The following FYB2 variants were observed in gnomAD, a reference collection of about 807,000 sequenced individuals.
FYB2 encodes the protein FYN binding protein 2.
FYB2 carries 103 observed loss-of-function variants against 94.1 expected under a neutral mutation model. That is an observed-to-expected ratio of 1.09 (90% CI 0.93 to 1.29). The LOEUF is 1.29. FYB2 is among the 50% of genes most tolerant of loss of function. The pLI is 0.00. For synonymous variants in FYB2, 293 were observed against 287.9 expected, an observed-to-expected ratio of 1.02 and a Z score of -0.18; for missense variants, 896 against 841.5, an observed-to-expected ratio of 1.06 and a Z score of -0.80.
intron 5 of FYB2, among the ~76,000 whole-genome samples, chr1:56,763,883 A>G (rs1016497139): frequency 3.3e-5 from 5 of 150,456 alleles, no homozygotes. Context: ...AAGTTTGATT[A>G]TGACTCTTCG....
chr1:56,755,251 G>A lies in FYB2; in HGVS notation c.1130+645C>T, dbSNP rs1645298384. On this transcript the variant is annotated intron_variant, in intron 7 of 19. Transcript: ENST00000343433. Reference sequence around the variant, plus strand: ...CATACAAGGAGCTCCCAGACAGGAAGGGGAGTAGGGAGGGGAGGATGAATT... The same window carrying A: ...CATACAAGGAGCTCCCAGACAGGAAAGGGAGTAGGGAGGGGAGGATGAATT... Among the ~76,000 whole-genome samples the A allele has an allele frequency of 3.3e-5, 5 of 152,068 alleles. No individual in the cohort carries two copies. In the South Asian group the frequency reaches 8.3e-4, roughly 25 times the overall value.
chr1:56,785,137 G>C (rs1371386895), intron 4 of FYB2, among the ~76,000 whole-genome samples: 1 of 152,158 alleles, frequency 6.6e-6, no homozygotes, highest in Admixed American at 6.5e-5. Flanking sequence ...GTGCCATGTG[G>C]AGACTGACTA....
At chr1:56,733,514 A>C (rs559711568) in intron 15 of FYB2, among the ~76,000 whole-genome samples, 40 of 151,986 alleles carry the variant, frequency 2.6e-4, no homozygotes, top group African/African-American at 9.4e-4. Context: ...AGTTCTTTTA[A>C]TTGTGAAGTT....
At chr1:56,738,072 A>C (rs1214391411) in intron 14 of FYB2, among the ~76,000 whole-genome samples, 1 of 152,142 alleles carries the variant, frequency 6.6e-6, no homozygotes, top group African/African-American at 2.4e-5. Flanking sequence ...TTTATTGACA[A>C]ATTCAATGTA....
chr1:56,759,739 A>G (rs1207858702), intron 5 of FYB2, among the ~76,000 whole-genome samples: 1 of 152,122 alleles, frequency 6.6e-6, no homozygotes, highest in Non-Finnish European at 1.5e-5. Context: ...ATAAAAATTG[A>G]CCAATTGGTA....
chr1:56,772,317 A>G (rs943307494), intron 4 of FYB2, among the ~76,000 whole-genome samples: 7 of 152,134 alleles, frequency 4.6e-5, no homozygotes, highest in Non-Finnish European at 5.9e-5. Flanking sequence ...AAAGTTTCCA[A>G]AAAGGCATCT....
At chr1:56,740,337 G>C (rs1044194816) in intron 13 of FYB2, among the ~76,000 whole-genome samples, 4 of 152,092 alleles carry the variant, frequency 2.6e-5, no homozygotes, top group African/African-American at 9.7e-5. Flanking sequence ...ACTGGGGCTT[G>C]TAGGGCCCCA....
rs1644434979 is a variant in FYB2 at position 56,718,822 on chromosome 1, TTC to T, written c.*847_*848del. 6.6e-6 allele frequency: 1 copy of T among 152,622 alleles called. No individual in the cohort carries two copies. The highest frequency in any genetic ancestry group is 2.4e-5 in the African/African-American group (1 of 41,460). The allele number at this position is 152,622 out of a possible 1,614,324, so 9.5% of individuals were successfully genotyped here. A position where few individuals can be genotyped will look rare whatever the true frequency, so the allele number is the denominator to read the frequency against. On this transcript the variant is annotated 3_prime_UTR_variant, in exon 20 of 20. Coordinates refer to ENST00000343433, the MANE Select transcript of FYB2 (RefSeq NM_001004303.5). The stretch of plus-strand genomic sequence containing the variant: ...TGTTAAATGCATATGTAGAATTTAT[TTC>T]TCTTATTGACATGCAGTGCACCTCA...
Position 56,753,915 on chromosome 1 carries a change from T to A in FYB2, c.1151A>T (p.Lys384Ile), listed in dbSNP as rs764947483. The A allele has an allele frequency of 1.2e-6, 2 of 1,608,550 alleles. No homozygotes were observed. The highest frequency in any genetic ancestry group is 1.7e-6 in the Non-Finnish European group (2 of 1,176,224). ...PEPSAKHEDK[K>I]MKEKQPCELK... Reference sequence around the variant, plus strand: ...TTCACATGGTTGTTTTTCCTTCATTTTTTTATCTTCATGTTTAGCACTGAA... The same window carrying A: ...TTCACATGGTTGTTTTTCCTTCATTATTTTATCTTCATGTTTAGCACTGAA... Residue 384 changes from lysine to isoleucine, a missense_variant, in exon 8 of 20, where the codon AAA (lysine) becomes ATA (isoleucine). Transcript: ENST00000343433.
At chr1:56,790,220 A>G (rs1009748133) in intron 2 of FYB2, among the ~76,000 whole-genome samples, 9 of 152,158 alleles carry the variant, frequency 5.9e-5, no homozygotes, top group Non-Finnish European at 1.3e-4. Flanking sequence ...CTCCTGGGAG[A>G]CTTCCTGCTC....
At chr1:56,819,448 C>A (rs1570278218), upstream of FYB2, 4 of 1,046,430 alleles carry the variant, frequency 3.8e-6, no homozygotes. Context: ...CCATCTGGGC[C>A]GAGGCTCCTC....
chr1:56,757,477 A>G (rs529001763), intron 6 of FYB2, among the ~76,000 whole-genome samples: 1 of 148,342 alleles, frequency 6.7e-6, no homozygotes, highest in African/African-American at 2.5e-5. Context: ...CAGTGCTTAC[A>G]TACTGTGTTT....
chr1:56,780,263 G>A (rs773226410), intron 4 of FYB2, among the ~76,000 whole-genome samples: 4 of 152,126 alleles, frequency 2.6e-5, no homozygotes, highest in Non-Finnish European at 5.9e-5. Context: ...AAAAAGCAAG[G>A]CTTAGTTCCA....
intron 4 of FYB2, among the ~76,000 whole-genome samples, chr1:56,781,381 G>A (rs1217608128): frequency 6.6e-6 from 1 of 152,036 alleles, no homozygotes; most frequent in African/African-American, 2.4e-5. Context: ...TCCAGCAATT[G>A]CTGTTTTCCT....
intron 9 of FYB2, among the ~76,000 whole-genome samples, chr1:56,746,762 GT>G (rs756414278): frequency 2.8e-4 from 42 of 152,036 alleles, no homozygotes; most frequent in Non-Finnish European, 5.3e-4. Context: ...TAAGCATTTT[GT>G]ATGTGTGTTT....
At chr1:56,781,060 G>A (rs1179252835) in intron 4 of FYB2, among the ~76,000 whole-genome samples, 1 of 152,176 alleles carries the variant, frequency 6.6e-6, no homozygotes, top group East Asian at 1.9e-4. Context: ...ATCAGGTCAG[G>A]TCTGTACCAG....
At chr1:56,784,896 C>A (rs1646098325) in intron 4 of FYB2, among the ~76,000 whole-genome samples, 1 of 152,192 alleles carries the variant, frequency 6.6e-6, no homozygotes, top group Non-Finnish European at 1.5e-5. Flanking sequence ...GTAAACCTAT[C>A]TAATTCGTAC....
chr1:56,735,659 A>T (rs1466598163), intron 15 of FYB2, among the ~76,000 whole-genome samples: 4 of 151,994 alleles, frequency 2.6e-5, no homozygotes, highest in African/African-American at 7.2e-5. Context: ...CATTATAGTG[A>T]ATGAGTTCTC....
chr1:56,822,044 T>A (rs1031573782), upstream of FYB2, among the ~76,000 whole-genome samples: 1 of 152,194 alleles, frequency 6.6e-6, no homozygotes, highest in Admixed American at 6.5e-5. Context: ...GGGCAGATCT[T>A]ACTGGCCTAA....
Sources: allele counts gnomAD v4.1 joint callset (sites outside exome capture counted in the v4.1 genomes callset), GRCh38; gene constraint gnomAD v4.1.1; transcripts MANE v1.5; gene names NCBI Gene and HGNC (gene_info 2026-07-23, HGNC 2026-07-21).